PSMC6: variants seen among roughly 807,000 people sequenced by gnomAD.
The protein encoded by PSMC6 is 26S proteasome regulatory subunit 10B.
PSMC6 carries 3 observed loss-of-function variants against 55.9 expected under a neutral mutation model. That is an observed-to-expected ratio of 0.05 (90% confidence interval 0.02 to 0.14). The LOEUF is 0.14. Ranked by LOEUF, PSMC6 falls within the 10% of genes least tolerant of loss-of-function variation. PSMC6 has a pLI of 1.00. For synonymous variants in PSMC6, 137 were observed against 155.9 expected (o/e 0.88, Z 0.90); for missense variants, 210 against 478.7 (o/e 0.44, Z 5.24).
At chr14:52,711,072 A>G in intron 4 of PSMC6, 29 bp from the exon 5 acceptor site, 1 of 1,538,056 alleles carries the variant, frequency 6.5e-7, no homozygotes, top group African/African-American at 1.4e-5. Context: ...TTAAGTGTTG[A>G]TGTAATATCT....
chr14:52,715,481 AT>A (rs531234534), intron 7 of PSMC6, among the ~76,000 whole-genome samples: 432 of 152,370 alleles, frequency 2.8e-3, no homozygotes, highest in Non-Finnish European at 4.8e-3. Context: ...AAGCGAACAA[AT>A]TAAGCCTGTC....
chr14:52,713,145 T>C (rs1373609853), intron 6 of PSMC6, among the ~76,000 whole-genome samples: 1 of 152,012 alleles, frequency 6.6e-6, no homozygotes, highest in Non-Finnish European at 1.5e-5. Context: ...CAGGAGAATC[T>C]CTTGTACCCG....
At chr14:52,713,681 A>C (rs1351182324) in intron 6 of PSMC6, among the ~76,000 whole-genome samples, 200 bp from the exon 7 acceptor site, 1 of 152,176 alleles carries the variant, frequency 6.6e-6, no homozygotes, top group African/African-American at 2.4e-5. Context: ...ACATTATTTG[A>C]AATTTTTTAG....
chr14:52,726,529 G>C (rs1566662774), intron 13 of PSMC6, among the ~76,000 whole-genome samples: 1 of 152,124 alleles, frequency 6.6e-6, no homozygotes, highest in Admixed American at 6.5e-5. Context: ...TTCCTGTCAA[G>C]TTAAGTTACG....
Position 52,712,384 on chromosome 14 carries a change from T to TAAAAA in PSMC6, c.441+866_441+870dup, listed in dbSNP as rs35697515. 5.0e-5 allele frequency among the ~76,000 whole-genome samples: 7 copies of TAAAAA among 139,436 alleles called. 1 individual carries two copies. The highest frequency in any genetic ancestry group is 9.2e-5 in the Non-Finnish European group (6 of 65,186). The allele number at this position is 139,436 out of a possible 152,430, so 91.5% of individuals were successfully genotyped here. A position where few individuals can be genotyped will look rare whatever the true frequency, so the allele number is the denominator to read the frequency against. Reference sequence around the variant, plus strand: ...ACTTGAGGAAGCACTGGTCTAAGTGTAAAAAAAAAAGGCAGTTCTCACCTG... The same window carrying TAAAAA: ...ACTTGAGGAAGCACTGGTCTAAGTGTAAAAAAAAAAAAAAAGGCAGTTCTCACCTG... On this transcript the variant is annotated intron_variant, in intron 6 of 13. Coordinates refer to ENST00000445930, the MANE Select transcript of PSMC6 (RefSeq NM_002806.5).
intron 12 of PSMC6, 38 bp from the exon 13 acceptor site, chr14:52,723,927 A>G (rs1880303715): frequency 6.2e-7 from 1 of 1,604,472 alleles, no homozygotes; most frequent in Non-Finnish European, 8.5e-7. Context: ...GTAAAGGTCT[A>G]ATTTTTAAAA....
At chr14:52,709,326 A>G (rs1384307052) in intron 4 of PSMC6, among the ~76,000 whole-genome samples, 1 of 152,238 alleles carries the variant, frequency 6.6e-6, no homozygotes, top group Non-Finnish European at 1.5e-5. Flanking sequence ...TCTGAAATCA[A>G]TTTATGTATT....
At chr14:52,724,674 AT>A (rs1268591486) in intron 13 of PSMC6, among the ~76,000 whole-genome samples, 2 of 152,028 alleles carry the variant, frequency 1.3e-5, no homozygotes, top group African/African-American at 4.8e-5. Flanking sequence ...GTGTGATACT[AT>A]TTTTTTCACT....
intron 6 of PSMC6, among the ~76,000 whole-genome samples, chr14:52,713,318 C>T (rs2041795406): frequency 1.3e-5 from 2 of 152,252 alleles, no homozygotes; most frequent in East Asian, 3.9e-4. Flanking sequence ...TACTTTTCTT[C>T]CTTGAATCAG....
chr14:52,722,239 A>G (rs988102068), intron 12 of PSMC6: 1 of 152,240 alleles, frequency 6.6e-6, no homozygotes, highest in Non-Finnish European at 1.5e-5. Flanking sequence ...TTTCAGAGAG[A>G]TTGGGAGGAG....
intron 4 of PSMC6, among the ~76,000 whole-genome samples, chr14:52,709,349 G>T (rs914250132): frequency 6.6e-6 from 1 of 152,162 alleles, no homozygotes; most frequent in Non-Finnish European, 1.5e-5. Context: ...TCTTTAGGAA[G>T]TGTCCTTAGA....
chr14:52,710,985 T>A, intron 4 of PSMC6, 116 bp from the exon 5 acceptor site: 1 of 838,250 alleles, frequency 1.2e-6, no homozygotes, highest in Non-Finnish European at 1.9e-6. Flanking sequence ...TAATCTGATA[T>A]TTGTGTTCTC....
chr14:52,708,875 T>C, intron 4 of PSMC6, 59 bp downstream of exon 4: 2 of 1,598,472 alleles, frequency 1.3e-6, no homozygotes, highest in East Asian at 2.2e-5. Flanking sequence ...ATGTAAGTTA[T>C]TGTCTCTAAT....
chr14:52,707,541 AAAG>A (rs2041716594), intron 1 of PSMC6: 8 of 503,648 alleles, frequency 1.6e-5, no homozygotes, highest in Non-Finnish European at 2.5e-5. Context: ...TGAAAATGAA[AAAG>A]AAGTAGAGGA....
At position 52,720,981 on chromosome 14, in the gene PSMC6, C is replaced by T. The variant is rs1370989311; in HGVS notation, c.898C>T (p.His300Tyr). The T allele has an allele frequency of 2.5e-6, 4 of 1,612,302 alleles. No homozygotes were observed. Among genetic ancestry groups the T allele is most frequent in the Non-Finnish European group, 3.4e-6 (4 of 1,179,108 alleles). Reference sequence around the variant, plus strand: ...TCCAGGAAGATTAGATAGAAAAATACGTGAGTTAAGATTCTTTACCTACTG... The same window carrying T: ...TCCAGGAAGATTAGATAGAAAAATATGTGAGTTAAGATTCTTTACCTACTG... ...LRPGRLDRKI[H>Y]IDLPNEQARL... is the part of the protein sequence containing the mutation. Residue 300 changes from histidine (H) to tyrosine (Y), a missense_variant and splice_region_variant, in exon 11 of 14, where the codon CAT (histidine) becomes TAT (tyrosine). This residue lies in a region of PSMC6 where 79 missense variants were observed against 158.7 expected (regional missense o/e 0.50). Coordinates refer to ENST00000445930, the MANE Select transcript of PSMC6 (RefSeq NM_002806.5).
At position 52,708,305 on chromosome 14, in the gene PSMC6, T is replaced by C; in HGVS notation, c.86-4T>C. On this transcript the variant is annotated splice_region_variant and splice_polypyrimidine_tract_variant and intron_variant, in intron 1 of 13. Coordinates refer to ENST00000445930, the MANE Select transcript of PSMC6 (RefSeq NM_002806.5). ...TTAAAAATGTTCAAATTGTATTATT[T>C]CAGTAAGGGAACAATTAAAAGAACT... is the stretch of plus-strand genomic sequence containing the variant. The C allele has an allele frequency of 2.5e-6, 4 of 1,598,510 alleles. No individual in the cohort carries two copies. Among genetic ancestry groups the C allele is most frequent in the Non-Finnish European group, 3.4e-6 (4 of 1,165,984 alleles).
chr14:52,716,229 T>C (rs573721132), intron 7 of PSMC6, among the ~76,000 whole-genome samples: 17 of 152,330 alleles, frequency 1.1e-4, no homozygotes, highest in African/African-American at 3.8e-4. Context: ...GAAAGAACCC[T>C]TGTACACTAC....
chr14:52,710,994 T>A, intron 4 of PSMC6, 107 bp from the exon 5 acceptor site: 1 of 949,162 alleles, frequency 1.1e-6, no homozygotes, highest in Non-Finnish European at 1.7e-6. Flanking sequence ...ATTTGTGTTC[T>A]CTCTGGAGGG....
chr14:52,724,799 G>C (rs1566662198), intron 13 of PSMC6, among the ~76,000 whole-genome samples: 1 of 152,052 alleles, frequency 6.6e-6, no homozygotes, highest in Non-Finnish European at 1.5e-5. Flanking sequence ...TCTTTAAATA[G>C]AAAAAATAAA....
Sources: allele counts gnomAD v4.1 joint callset (sites outside exome capture counted in the v4.1 genomes callset), GRCh38; gene constraint gnomAD v4.1.1; regional missense constraint gnomAD v4.1.1; transcripts MANE v1.5; gene names NCBI Gene and HGNC (gene_info 2026-07-23, HGNC 2026-07-21).